RBFOX3: variants seen among roughly 807,000 people sequenced by gnomAD.
RBFOX3 encodes RNA binding protein fox-1 homolog 3.
A neutral mutation model predicts 48.7 loss-of-function variants in RBFOX3; 17 were observed. That is an observed-to-expected ratio of 0.35 (90% confidence interval 0.24 to 0.52). RBFOX3 has a LOEUF of 0.52. Ranked by LOEUF, RBFOX3 falls within the 20% of genes least tolerant of loss-of-function variation. RBFOX3 has a pLI of 0.94. For synonymous variants in RBFOX3, 212 were observed against 209.5 expected, an observed-to-expected ratio of 1.01 and a Z score of -0.10; for missense variants, 382 against 497.5, an observed-to-expected ratio of 0.77 and a Z score of 2.21.
At chr17:79,122,288 C>G (rs2035959854) in intron 4 of RBFOX3, among the ~76,000 whole-genome samples, 1 of 152,214 alleles carries the variant, frequency 6.6e-6, no homozygotes, top group Non-Finnish European at 1.5e-5. Context: ...GTCCTCTGCA[C>G]AGTAGAACCC....
intron 3 of RBFOX3, among the ~76,000 whole-genome samples, chr17:79,280,748 G>A (rs567415372): frequency 2.7e-5 from 4 of 149,272 alleles, no homozygotes; most frequent in Non-Finnish European, 4.4e-5. Context: ...ACAATGAACC[G>A]AAGCATCCAG....
intron 1 of RBFOX3, among the ~76,000 whole-genome samples, chr17:79,548,725 A>G (rs2090819581): frequency 6.6e-6 from 1 of 152,202 alleles, no homozygotes; most frequent in South Asian, 2.1e-4. Context: ...CCATCTCTAC[A>G]GGGGTGTGCG....
intron 2 of RBFOX3, among the ~76,000 whole-genome samples, chr17:79,375,430 G>T (rs2059111492): frequency 6.6e-6 from 1 of 151,690 alleles, no homozygotes; most frequent in Non-Finnish European, 1.5e-5. Flanking sequence ...GATGTTGAGG[G>T]TGTGTATTTG....
At chr17:79,217,820 A>C (rs967202306) in intron 4 of RBFOX3, among the ~76,000 whole-genome samples, 5 of 152,088 alleles carry the variant, frequency 3.3e-5, no homozygotes, top group Non-Finnish European at 7.4e-5. Context: ...AAAGGAGAAC[A>C]CGGCAGATGT....
At chr17:79,170,112 GAGGA>G (rs749783223) in intron 4 of RBFOX3, among the ~76,000 whole-genome samples, 115 of 148,680 alleles carry the variant, frequency 7.7e-4, no homozygotes, top group South Asian at 4.1e-3. Context: ...AGGAAAGGAG[GAGGA>G]AGGAAGGAAG....
chr17:79,430,554 T>C (rs181159938), intron 2 of RBFOX3, among the ~76,000 whole-genome samples: 5 of 152,330 alleles, frequency 3.3e-5, no homozygotes, highest in Admixed American at 6.5e-5. Flanking sequence ...CTAATATTAT[T>C]ATTATTGTTT....
At chr17:79,492,705 G>A (rs1225131842) in intron 1 of RBFOX3, among the ~76,000 whole-genome samples, 5 of 152,324 alleles carry the variant, frequency 3.3e-5, no homozygotes, top group Admixed American at 3.3e-4. Flanking sequence ...ATTAAATTTG[G>A]GGATAATCTA....
rs539220471 is a variant in RBFOX3, at chr17:79,404,955, C to G, written c.-175+77499G>C. Among the ~76,000 whole-genome samples, 13 of 152,314 alleles carry G rather than the reference C, an allele frequency of 8.5e-5. No individual in the cohort carries two copies. In the East Asian group the frequency reaches 2.3e-3, roughly 27 times the overall value. On this transcript the variant is annotated intron_variant, in intron 2 of 14. Transcript: ENST00000693108. ...CAGTCCCCTCCTCAGGACCTGACAC[C>G]TAGTCTAGACTCCAGGAAATCAAAG...
chr17:79,385,224 G>A (rs533289614), intron 2 of RBFOX3, among the ~76,000 whole-genome samples: 1 of 152,312 alleles, frequency 6.6e-6, no homozygotes, highest in East Asian at 1.9e-4. Context: ...AGCTCTCCAG[G>A]GTCCCACAAC....
At chr17:79,496,539 G>C (rs1485915744) in intron 1 of RBFOX3, among the ~76,000 whole-genome samples, 2 of 152,342 alleles carry the variant, frequency 1.3e-5, no homozygotes, top group South Asian at 2.1e-4. Flanking sequence ...TAGTCTTGCT[G>C]TGGGGGAATT....
At chr17:79,251,136 A>G (rs138995211) in intron 3 of RBFOX3, among the ~76,000 whole-genome samples, 3 of 152,044 alleles carry the variant, frequency 2.0e-5, no homozygotes, top group Non-Finnish European at 4.4e-5. Context: ...CAGCCTCCTC[A>G]GCAGCTCCCC....
At chr17:79,264,675 C>T (rs1338569525) in intron 3 of RBFOX3, among the ~76,000 whole-genome samples, 1 of 152,188 alleles carries the variant, frequency 6.6e-6, no homozygotes, top group Admixed American at 6.5e-5. Context: ...CTCATAGCTT[C>T]CCCAGTTCAC....
At chr17:79,632,221 C>T in the RBFOX3 span, among the ~76,000 whole-genome samples, 4 of 152,096 alleles carry the variant, frequency 2.6e-5, no homozygotes, top group Admixed American at 6.5e-5. Context: ...TTTGAAAGCA[C>T]GAACAGCCTT....
At chr17:79,217,690 T>A (rs2059228612) in intron 4 of RBFOX3, among the ~76,000 whole-genome samples, 1 of 151,888 alleles carries the variant, frequency 6.6e-6, no homozygotes, top group Non-Finnish European at 1.5e-5. Flanking sequence ...AAGCTGCCCT[T>A]GACTCCATGC....
At chr17:79,451,875 C>T (rs946147341) in intron 2 of RBFOX3, among the ~76,000 whole-genome samples, 8 of 152,266 alleles carry the variant, frequency 5.3e-5, no homozygotes, top group African/African-American at 1.4e-4. Flanking sequence ...ACGTGCTTCA[C>T]GTCTGGAGAC....
intron 9 of RBFOX3, chr17:79,100,035 C>G (rs939076900): frequency 2.6e-5 from 4 of 152,270 alleles, no homozygotes; most frequent in African/African-American, 9.6e-5. Flanking sequence ...GATGAAACGG[C>G]TCTTGCTGCA....
At position 79,243,496 on chromosome 17, in the gene RBFOX3, T is replaced by C. The variant is rs2062702244; in HGVS notation, c.-73-7691A>G. Among the ~76,000 whole-genome samples, 1 of 152,130 alleles carries C rather than the reference T, an allele frequency of 6.6e-6. No individual in the cohort carries two copies. Among genetic ancestry groups the C allele is most frequent in the African/African-American group, 2.4e-5 (1 of 41,522 alleles). ...ATGTGCCTTTGCCCTGGGGTGTCAT[T>C]TGGGACTGTGGAGTCGACCACAGTC... On this transcript the variant is annotated intron_variant, in intron 3 of 14. Transcript: ENST00000693108. The surrounding 1 kb of genome is among the most constrained non-coding windows in gnomAD (Gnocchi z 7.9).
At chr17:79,286,909 G>A (rs2072046811) in intron 3 of RBFOX3, among the ~76,000 whole-genome samples, 1 of 152,166 alleles carries the variant, frequency 6.6e-6, no homozygotes, top group Non-Finnish European at 1.5e-5. Flanking sequence ...GGCTGAGAAC[G>A]CTGTAGGGTC....
intron 1 of RBFOX3, among the ~76,000 whole-genome samples, chr17:79,525,626 T>G (rs1259863987): frequency 6.6e-6 from 1 of 152,206 alleles, no homozygotes; most frequent in African/African-American, 2.4e-5. Flanking sequence ...ATCAAAGCTA[T>G]TAGGCTTGCC....
Sources: gnomAD v4.1 joint callset for allele counts (sites outside exome capture counted in the v4.1 genomes callset) on GRCh38, gnomAD v4.1.1 for gene constraint, Gnocchi (gnomAD v3.1) non-coding constraint, MANE v1.5 for transcripts, NCBI Gene and HGNC (gene_info 2026-07-23, HGNC 2026-07-21) for gene names.